The following HERC1 variants were observed in gnomAD, a reference collection of about 807,000 sequenced individuals.
HERC1 encodes the protein probable E3 ubiquitin-protein ligase HERC1.
Under a neutral mutation model 554.3 loss-of-function variants are expected in HERC1, and 160 were observed. That is an observed-to-expected ratio of 0.29 (90% CI 0.25 to 0.33). The LOEUF is 0.33. HERC1 is among the 10% of genes least tolerant of loss of function. The pLI is 1.00. For missense variants in HERC1, 4,919 were observed against 5,918.5 expected (o/e 0.83, Z 5.54); for synonymous variants, 2,175 against 2,131.7 (o/e 1.02, Z -0.56).
chr15:63,674,235 A>G, intron 38 of HERC1, 107 bp downstream of exon 38: 1 of 967,128 alleles, frequency 1.0e-6, no homozygotes, highest in Non-Finnish European at 1.4e-6. Flanking sequence ...ACCAAAAAAA[A>G]AATTTTTTTT....
intron 3 of HERC1, among the ~76,000 whole-genome samples, chr15:63,763,413 C>T (rs1224329475): frequency 2.6e-5 from 4 of 151,904 alleles, no homozygotes; most frequent in Non-Finnish European, 5.9e-5. Context: ...ATAGGAAATA[C>T]AGAGGATAAA....
At chr15:63,614,407 A>C (rs1307672644) in intron 76 of HERC1, among the ~76,000 whole-genome samples, 2 of 152,218 alleles carry the variant, frequency 1.3e-5, no homozygotes, top group Non-Finnish European at 2.9e-5. Flanking sequence ...TTATCAATAC[A>C]TTTCTAGTCA....
intron 34 of HERC1, among the ~76,000 whole-genome samples, chr15:63,683,805 A>C (rs1010208373): frequency 1.3e-5 from 2 of 152,168 alleles, no homozygotes; most frequent in African/African-American, 4.8e-5. Flanking sequence ...ACATGCCCCC[A>C]TAACTGGCCC....
At chr15:63,616,033 A>T (rs2067800562) in intron 75 of HERC1, 113 bp from the exon 76 acceptor site, 1 of 890,756 alleles carries the variant, frequency 1.1e-6, no homozygotes, top group African/African-American at 1.7e-5. Flanking sequence ...AAGGATAAAA[A>T]CAAGGAACAC....
intron 1 of HERC1, among the ~76,000 whole-genome samples, chr15:63,790,624 A>G (rs34479262): frequency 0.48 from 72,364 of 151,576 alleles, 18,208 homozygotes; most frequent in Non-Finnish European, 0.55. Flanking sequence ...TACTAGAATA[A>G]TAGACACCCA....
At chr15:63,627,612 T>A (rs1347511376) in intron 70 of HERC1, among the ~76,000 whole-genome samples, 1 of 150,532 alleles carries the variant, frequency 6.6e-6, no homozygotes, top group East Asian at 2.0e-4. Context: ...AGGCAGAGGT[T>A]GCAGTAAGCC....
intron 1 of HERC1, among the ~76,000 whole-genome samples, chr15:63,789,722 C>T (rs954754092): frequency 3.3e-5 from 5 of 151,498 alleles, no homozygotes; most frequent in African/African-American, 1.2e-4. Flanking sequence ...CACCTGAACC[C>T]GGGAGGTGGA....
At chr15:63,696,813 T>C (rs2072441865) in intron 26 of HERC1, among the ~76,000 whole-genome samples, 2 of 152,136 alleles carry the variant, frequency 1.3e-5, no homozygotes, top group Admixed American at 1.3e-4. Flanking sequence ...GAATACTCTT[T>C]AGCCCAGGAA....
In HERC1 at chr15:63,624,973, C is replaced by T. The variant is rs550773371; in HGVS notation, c.13276-646G>A. 3.4e-4 allele frequency among the ~76,000 whole-genome samples: 52 copies of T among 152,296 alleles called. 1 individual carries two copies. The highest frequency in any genetic ancestry group is 1.5e-3 in the Admixed American group (23 of 15,302). On this transcript the variant is annotated intron_variant, in intron 71 of 77. Transcript: ENST00000443617. The stretch of plus-strand genomic sequence containing the variant: ...GTGTATGCACACATAACATTTTTCA[C>T]AGTTAATATCATTCTGAGCTGCCTT...
intron 1 of HERC1, among the ~76,000 whole-genome samples, chr15:63,783,968 AGCC>A (rs2076363057): frequency 6.6e-6 from 1 of 151,908 alleles, no homozygotes; most frequent in African/African-American, 2.4e-5. Flanking sequence ...CGGGAGGCTG[AGCC>A]AGGAGAATGG....
At chr15:63,784,191 C>G (rs1341257527) in intron 1 of HERC1, among the ~76,000 whole-genome samples, 1 of 151,994 alleles carries the variant, frequency 6.6e-6, no homozygotes, top group Non-Finnish European at 1.5e-5. Context: ...AAAATATTAT[C>G]CATATCCTAA....
chr15:63,823,404 C>T (rs1274676818), intron 1 of HERC1, among the ~76,000 whole-genome samples: 4 of 152,186 alleles, frequency 2.6e-5, no homozygotes, highest in African/African-American at 4.8e-5. Context: ...AGCCCTATGA[C>T]GTAGCAACTA....
chr15:63,769,949 C>T (rs567532883), intron 2 of HERC1, among the ~76,000 whole-genome samples: 166 of 152,242 alleles, frequency 1.1e-3, no homozygotes, highest in Non-Finnish European at 1.7e-3. Flanking sequence ...TTTCCCCTCA[C>T]ATTTGTCTGC....
At chr15:63,728,468 T>C (rs1204555114) in intron 16 of HERC1, among the ~76,000 whole-genome samples, 2 of 152,104 alleles carry the variant, frequency 1.3e-5, no homozygotes, top group Non-Finnish European at 2.9e-5. Context: ...CAAATGGAGG[T>C]ATCTAATGAG....
intron 11 of HERC1, among the ~76,000 whole-genome samples, 196 bp downstream of exon 11, chr15:63,747,528 G>C (rs899661553): frequency 9.2e-5 from 14 of 152,046 alleles, no homozygotes; most frequent in African/African-American, 3.1e-4. Context: ...GAAATTACAA[G>C]TAACTTTTTC....
intron 34 of HERC1, among the ~76,000 whole-genome samples, chr15:63,682,894 G>T (rs2071549615): frequency 6.6e-6 from 1 of 151,846 alleles, no homozygotes; most frequent in African/African-American, 2.4e-5. Context: ...TCAGCATTTT[G>T]GGAGGCCGAG....
chr15:63,741,142 C>T (rs1467429320), intron 12 of HERC1, among the ~76,000 whole-genome samples: 1 of 151,870 alleles, frequency 6.6e-6, no homozygotes, highest in Non-Finnish European at 1.5e-5. Flanking sequence ...AATTCTTCTG[C>T]CCCAGCCTCC....
chr15:63,705,484 C>A (rs2072954120), intron 25 of HERC1, among the ~76,000 whole-genome samples: 1 of 151,902 alleles, frequency 6.6e-6, no homozygotes, highest in African/African-American at 2.4e-5. Flanking sequence ...AACATTTATT[C>A]TTTTGAGCTA....
intron 57 of HERC1, among the ~76,000 whole-genome samples, chr15:63,644,749 T>C (rs1037204127): frequency 1.3e-5 from 2 of 152,244 alleles, no homozygotes; most frequent in Non-Finnish European, 2.9e-5. Context: ...GTATCAATTA[T>C]ATCCACTATC....
Sources: gnomAD v4.1 joint callset for allele counts (sites outside exome capture counted in the v4.1 genomes callset) on GRCh38, gnomAD v4.1.1 for gene constraint, MANE v1.5 for transcripts, NCBI Gene and HGNC (gene_info 2026-07-23, HGNC 2026-07-21) for gene names.